The following FRMPD2 variants were observed in gnomAD, a reference collection of about 807,000 sequenced individuals.
FRMPD2 encodes FERM and PDZ domain-containing protein 2.
A neutral mutation model predicts 140.1 loss-of-function variants in FRMPD2; 96 were observed. The ratio of observed to expected loss-of-function variants is 0.69; its 90% CI spans 0.58 to 0.81. The LOEUF (loss-of-function observed/expected upper bound fraction) is 0.81, where lower values mean the gene tolerates loss of function less well. Among genes scored for constraint, FRMPD2 ranks in the 40% least tolerant of loss-of-function variants. The pLI is 0.00. For synonymous variants in FRMPD2, 449 were observed against 547.6 expected (o/e 0.82, Z 2.52); for missense variants, 1,240 against 1,447.4 (o/e 0.86, Z 2.32).
chr10:48,195,598 C>T (rs998904690), intron 15 of FRMPD2, among the ~76,000 whole-genome samples: 1 of 151,984 alleles, frequency 6.6e-6, no homozygotes, highest in African/African-American at 2.4e-5. Context: ...AGAAAAATGC[C>T]CAGCACTGGT....
At chr10:48,189,931 G>C (rs998123309) in intron 16 of FRMPD2, among the ~76,000 whole-genome samples, 1 of 152,174 alleles carries the variant, frequency 6.6e-6, no homozygotes. Context: ...CAGCCACCCA[G>C]TGGGGAGGGA....
Position 48,248,251 on chromosome 10 carries a change from G to C in FRMPD2, c.309+770C>G, listed in dbSNP as rs375476893. Reference sequence around the variant, plus strand: ...CCTTGCACCATTCTCTCCTTTGAGAGAATTAAAATTCTCTTTGAAATTAAA... The same window carrying C: ...CCTTGCACCATTCTCTCCTTTGAGACAATTAAAATTCTCTTTGAAATTAAA... On this transcript the variant is annotated intron_variant, in intron 3 of 28. Coordinates refer to ENST00000374201, the MANE Select transcript of FRMPD2 (RefSeq NM_001018071.4). Among the ~76,000 whole-genome samples, 54 of 152,302 alleles carry C rather than the reference G, an allele frequency of 3.5e-4. No individual in the cohort carries two copies. In the East Asian group the frequency reaches 0.01, roughly 29 times the overall value.
chr10:48,212,130 G>A (rs1839340571), intron 12 of FRMPD2, 21 bp from the exon 13 acceptor site: 1 of 1,612,596 alleles, frequency 6.2e-7, no homozygotes, highest in African/African-American at 1.3e-5. Context: ...GATGTAGAAG[G>A]GAAGGGCACA....
chr10:48,202,764 A>G (rs998647729), intron 14 of FRMPD2, among the ~76,000 whole-genome samples: 2 of 152,206 alleles, frequency 1.3e-5, no homozygotes, highest in African/African-American at 4.8e-5. Context: ...ACAATTTTAT[A>G]TTAAGTTTAT....
intron 9 of FRMPD2, among the ~76,000 whole-genome samples, chr10:48,233,202 T>C (rs1176925745): frequency 6.6e-6 from 1 of 152,006 alleles, no homozygotes; most frequent in African/African-American, 2.4e-5. Context: ...ACCCTGACAC[T>C]CCTGGCACCC....
chr10:48,174,451 T>C (rs1370701035), intron 24 of FRMPD2, among the ~76,000 whole-genome samples: 5 of 152,094 alleles, frequency 3.3e-5, no homozygotes, highest in African/African-American at 4.8e-5. Flanking sequence ...TGAGGGGGAA[T>C]GGCATGAACA....
chr10:48,182,864 T>C (rs1838585281), intron 20 of FRMPD2, among the ~76,000 whole-genome samples: 1 of 152,236 alleles, frequency 6.6e-6, no homozygotes, highest in Non-Finnish European at 1.5e-5. Flanking sequence ...TGACTGCTCC[T>C]GTCAGTGGAG....
chr10:48,224,049 G>T (rs1240375554), intron 10 of FRMPD2, among the ~76,000 whole-genome samples: 1 of 152,166 alleles, frequency 6.6e-6, no homozygotes, highest in Non-Finnish European at 1.5e-5. Context: ...CTAAGGCATG[G>T]TGTAAGTGGA....
At chr10:48,273,741 T>C (rs753991190) in intron 1 of FRMPD2, among the ~76,000 whole-genome samples, 6 of 152,182 alleles carry the variant, frequency 3.9e-5, no homozygotes, top group Non-Finnish European at 8.8e-5. Context: ...TCCCCAGCAT[T>C]TGGCATGTGG....
intron 1 of FRMPD2, among the ~76,000 whole-genome samples, chr10:48,255,570 C>G (rs1459783276): frequency 6.6e-6 from 1 of 152,168 alleles, no homozygotes; most frequent in Non-Finnish European, 1.5e-5. Flanking sequence ...TGTTAACAAC[C>G]TACCCTGAGA....
intron 5 of FRMPD2, among the ~76,000 whole-genome samples, chr10:48,241,269 T>C (rs1840098751): frequency 6.6e-6 from 1 of 152,148 alleles, no homozygotes; most frequent in Non-Finnish European, 1.5e-5. Context: ...ACTTTGGCCC[T>C]CATTAATCCT....
intron 18 of FRMPD2, among the ~76,000 whole-genome samples, chr10:48,185,195 T>C (rs1015608402): frequency 6.6e-6 from 1 of 152,226 alleles, no homozygotes; most frequent in Admixed American, 6.5e-5. Context: ...TCTCCGTACC[T>C]TGTTTCTTCT....
chr10:48,243,008 A>T (rs1623017), intron 4 of FRMPD2, among the ~76,000 whole-genome samples: 1 of 152,120 alleles, frequency 6.6e-6, no homozygotes, highest in Non-Finnish European at 1.5e-5. Flanking sequence ...CAAGCTCAAC[A>T]CACACTGCAG....
chr10:48,247,063 C>T lies in FRMPD2; in HGVS notation c.309+1958G>A, dbSNP rs1421090221. On this transcript the variant is annotated intron_variant, in intron 3 of 28. Coordinates refer to ENST00000374201, the MANE Select transcript of FRMPD2 (RefSeq NM_001018071.4). ...ATCTCTTCCAGCTCACACTCACTCT[C>T]ATCTTCCTGGCCAGGACTCAGCAAT... Among the ~76,000 whole-genome samples the T allele has an allele frequency of 6.6e-5, 10 of 152,236 alleles. No homozygotes were observed. In the South Asian group the frequency reaches 1.9e-3, roughly 28 times the overall value.
chr10:48,222,339 C>A lies in FRMPD2; in HGVS notation c.1429G>T (p.Ala477Ser). The change falls in exon 12 of 29, where the codon GCT (alanine) becomes TCT (serine). Residue 477 changes from alanine (A) to serine (S), a missense_variant. By Grantham distance (99) the Ala-to-Ser change is moderately conservative (BLOSUM62 1). Coordinates refer to ENST00000374201, the MANE Select transcript of FRMPD2 (RefSeq NM_001018071.4). ...LLQLGVLALQ[A>S]EFGNYPKEQV... The stretch of plus-strand genomic sequence containing the variant: ...TCCTTAGGGTAATTGCCAAACTCAG[C>A]CTGCAAGGCAAGGACCCCCAGCTGC... 1 of 1,614,130 alleles carries A rather than the reference C, an allele frequency of 6.2e-7. No homozygotes were observed. The highest frequency in any genetic ancestry group is 1.3e-5 in the African/African-American group (1 of 75,056).
intron 15 of FRMPD2, chr10:48,199,703 A>G (rs1028454855): frequency 6.6e-6 from 1 of 152,178 alleles, no homozygotes; most frequent in African/African-American, 2.4e-5. Context: ...CAAACTCTCA[A>G]TTAAGAGTGA....
chr10:48,206,823 G>C lies in FRMPD2; in HGVS notation c.1722C>G (p.Val574=). 1.9e-6 allele frequency: 3 copies of C among 1,614,028 alleles called. No individual in the cohort carries two copies. The highest frequency in any genetic ancestry group is 2.5e-6 in the Non-Finnish European group (3 of 1,179,932). The stretch of plus-strand genomic sequence containing the variant: ...TTCTGCTGTTGTTTTTCACTTCATA[G>C]ACTATGACACCCTTGGCACAGATCC... The part of the protein sequence containing the change: ...ALGICAKGVI[V]YEVKNNSRIA... The change falls in exon 14 of 29, where the codon GTC becomes GTG. Residue 574 remains valine, a synonymous_variant. Transcript: ENST00000374201.
chr10:48,259,632 G>T (rs1364675338), intron 1 of FRMPD2, among the ~76,000 whole-genome samples: 4 of 138,170 alleles, frequency 2.9e-5, no homozygotes, highest in Non-Finnish European at 4.5e-5. Context: ...ATGTGTGTGT[G>T]TAAGTGTGTG....
rs889367154 is a variant in FRMPD2, at chr10:48,199,453, C to T, written c.1954+1775G>A. Among the ~76,000 whole-genome samples, 21 of 152,292 alleles carry T rather than the reference C, an allele frequency of 1.4e-4. No homozygotes were observed. The Middle Eastern group carries it at 0.01, about 74-fold the overall frequency. On this transcript the variant is annotated intron_variant, in intron 15 of 28. Coordinates refer to ENST00000374201, the MANE Select transcript of FRMPD2 (RefSeq NM_001018071.4). The stretch of plus-strand genomic sequence containing the variant: ...TCTCACTGTAATTGCTAAGCAGCAG[C>T]AAATAGCTTCCTGATTGGTACAGGT...
Sources: gnomAD v4.1 joint callset for allele counts (sites outside exome capture counted in the v4.1 genomes callset) on GRCh38, gnomAD v4.1.1 for gene constraint, MANE v1.5 for transcripts, NCBI Gene and HGNC (gene_info 2026-07-23, HGNC 2026-07-21) for gene names.